Variants in TSC22D1 observed in about 807,000 individuals in gnomAD.
TSC22D1 encodes TSC22 domain family member 1, also known as TSC22 domain family protein 1.
Under a neutral mutation model 74.2 loss-of-function variants are expected in TSC22D1, and 9 were observed. That is an observed-to-expected ratio of 0.12 (90% CI 0.07 to 0.21). The LOEUF is 0.21. TSC22D1 is among the 10% of genes least tolerant of loss of function. The pLI is 1.00. For missense variants in TSC22D1, 1,427 were observed against 1,304.7 expected, an observed-to-expected ratio of 1.09 and a Z score of -1.44; for synonymous variants, 586 against 492.5, an observed-to-expected ratio of 1.19 and a Z score of -2.51.
At chr13:44,486,885 T>G (rs1195499494) in intron 1 of TSC22D1, among the ~76,000 whole-genome samples, 2 of 152,044 alleles carry the variant, frequency 1.3e-5, no homozygotes, top group Non-Finnish European at 2.9e-5. Flanking sequence ...TTAAGACACT[T>G]AGAATGAAAA....
At chr13:44,557,646 T>C (rs984415862) in intron 1 of TSC22D1, among the ~76,000 whole-genome samples, 7 of 152,232 alleles carry the variant, frequency 4.6e-5, no homozygotes, top group African/African-American at 9.6e-5. Context: ...TGAAGATAAG[T>C]TGTAACCACT....
In TSC22D1 at chr13:44,573,444, C is replaced by CA; in HGVS notation, c.2630dup (p.Leu877PhefsTer5). 1 of 1,614,230 alleles carries CA rather than the reference C, an allele frequency of 6.2e-7. No individual in the cohort carries two copies. Among genetic ancestry groups the CA allele is most frequent in the Non-Finnish European group, 8.5e-7 (1 of 1,180,048 alleles). On this transcript the variant is annotated frameshift_variant, in exon 1 of 3. Transcript: ENST00000458659. LOFTEE classifies it high-confidence loss of function. Reference sequence around the variant, plus strand: ...AAGGCAAATTTGTATTAGTTGCTATCAAGGGAGGTTGACTAACACTTTGAA... The same window carrying CA: ...AAGGCAAATTTGTATTAGTTGCTATCAAAGGGAGGTTGACTAACACTTTGAA...
intron 1 of TSC22D1, among the ~76,000 whole-genome samples, chr13:44,509,468 G>A (rs941624995): frequency 6.6e-5 from 10 of 152,120 alleles, no homozygotes; most frequent in Admixed American, 3.9e-4. Context: ...GTGAAACCCC[G>A]TCTCTATTAA....
chr13:44,485,074 A>G (rs1878364237), intron 1 of TSC22D1, among the ~76,000 whole-genome samples: 1 of 152,216 alleles, frequency 6.6e-6, no homozygotes, highest in Non-Finnish European at 1.5e-5. Context: ...ATTGGAGTCC[A>G]TCCTCTTTCT....
chr13:44,562,673 A>G (rs1883123350), intron 1 of TSC22D1, among the ~76,000 whole-genome samples: 1 of 152,204 alleles, frequency 6.6e-6, no homozygotes, highest in African/African-American at 2.4e-5. Context: ...GGAAGCTGGC[A>G]AACGTCTCTA....
intron 1 of TSC22D1, among the ~76,000 whole-genome samples, chr13:44,545,259 C>T (rs1054414463): frequency 4.6e-5 from 7 of 151,588 alleles, no homozygotes; most frequent in Non-Finnish European, 7.4e-5. Context: ...CGCTTGAACC[C>T]GGGAGGTGGA....
intron 1 of TSC22D1, among the ~76,000 whole-genome samples, chr13:44,466,399 T>C (rs1877286334): frequency 6.6e-6 from 1 of 152,182 alleles, no homozygotes; most frequent in Non-Finnish European, 1.5e-5. Flanking sequence ...TCCTATTATA[T>C]GGAGGTAGAT....
intron 1 of TSC22D1, among the ~76,000 whole-genome samples, chr13:44,525,407 G>A (rs1425107267): frequency 6.6e-6 from 1 of 152,032 alleles, no homozygotes; most frequent in African/African-American, 2.4e-5. Flanking sequence ...GCAACACAGT[G>A]AGCCCCCACC....
chr13:44,536,477 A>G (rs1881134462), intron 1 of TSC22D1, among the ~76,000 whole-genome samples: 1 of 151,916 alleles, frequency 6.6e-6, no homozygotes, highest in Non-Finnish European at 1.5e-5. Flanking sequence ...TGTCTTGATA[A>G]GATTTAAAAA....
At chr13:44,436,218 T>G (rs1444910394) in intron 1 of TSC22D1, 123 bp from the exon 2 acceptor site, 2 of 1,153,996 alleles carry the variant, frequency 1.7e-6, no homozygotes, top group Non-Finnish European at 2.5e-6. Context: ...TTTAACACTA[T>G]GTAATGTATC....
chr13:44,474,767 G>A (rs1411221620), intron 1 of TSC22D1, among the ~76,000 whole-genome samples: 2 of 151,974 alleles, frequency 1.3e-5, no homozygotes, highest in Non-Finnish European at 2.9e-5. Flanking sequence ...CGGGAGGAGA[G>A]TAAAAGGAGG....
At chr13:44,545,650 G>T (rs943149818) in intron 1 of TSC22D1, among the ~76,000 whole-genome samples, 1 of 150,766 alleles carries the variant, frequency 6.6e-6, no homozygotes, top group Non-Finnish European at 1.5e-5. Flanking sequence ...GTTGCGTTAC[G>T]TTCATAAGAG....
intron 1 of TSC22D1, among the ~76,000 whole-genome samples, chr13:44,474,487 T>A (rs1274008989): frequency 6.6e-6 from 1 of 152,204 alleles, no homozygotes; most frequent in Admixed American, 6.5e-5. Flanking sequence ...TTAAAAGGCA[T>A]GGGTGATTTT....
In TSC22D1 at chr13:44,503,434, G is replaced by C. The variant is rs73188791; in HGVS notation, c.2913-67339C>G. On this transcript the variant is annotated intron_variant, in intron 1 of 2. Coordinates refer to ENST00000458659, the MANE Select transcript of TSC22D1 (RefSeq NM_183422.4). ...TACACATTGAGACTAAAGTTGACAT[G>C]GCAGAAGTGAAAGGAAAAAAAAAAT... Among the ~76,000 whole-genome samples the C allele has an allele frequency of 8.9e-3, 1,356 of 152,172 alleles. 1 individual carries two copies. Among genetic ancestry groups the C allele is most frequent in the Non-Finnish European group, 0.014 (964 of 68,000 alleles).
At chr13:44,551,391 T>A (rs766557253) in intron 1 of TSC22D1, among the ~76,000 whole-genome samples, 2 of 51,470 alleles carry the variant, frequency 3.9e-5, no homozygotes, top group Admixed American at 1.7e-4. Flanking sequence ...ATCAGATGGG[T>A]GTGTGTGTGT....
chr13:44,490,316 G>A (rs1878639680), intron 1 of TSC22D1, among the ~76,000 whole-genome samples: 1 of 150,872 alleles, frequency 6.6e-6, no homozygotes, highest in South Asian at 2.1e-4. Flanking sequence ...GTATCGCTAG[G>A]GAGAAGAATA....
chr13:44,517,855 A>ATT (rs1262351609), intron 1 of TSC22D1, among the ~76,000 whole-genome samples: 11 of 23,540 alleles, frequency 4.7e-4, no homozygotes, highest in African/African-American at 9.9e-4. Context: ...ATATATATAT[A>ATT]TATTTTTTTT....
In TSC22D1 at chr13:44,537,598, G is replaced by GT. The variant is rs555015682; in HGVS notation, c.2912+35564dup. 1.6e-4 allele frequency: 154 copies of GT among 984,162 alleles called. No individual in the cohort carries two copies. The African/African-American group carries it at 1.7e-3, about 11-fold the overall frequency. 61.0% of individuals were successfully genotyped at this position (984,162 alleles called of 1,614,324 possible). The stretch of plus-strand genomic sequence containing the variant: ...GTTCTTCCTAAAACGATGGACAGTT[G>GT]TTTTTTTTAATTTATATGTGTTTGT... On this transcript the variant is annotated intron_variant, in intron 1 of 2. Transcript: ENST00000458659.
intron 1 of TSC22D1, among the ~76,000 whole-genome samples, chr13:44,517,825 G>GTATA (rs1312774694): frequency 5.2e-4 from 10 of 19,264 alleles, no homozygotes; most frequent in African/African-American, 1.3e-3. Context: ...GTGTGTGTGT[G>GTATA]TGTGTATATA....
Sources: allele counts gnomAD v4.1 joint callset (sites outside exome capture counted in the v4.1 genomes callset), GRCh38; gene constraint gnomAD v4.1.1; transcripts MANE v1.5; gene names NCBI Gene and HGNC (gene_info 2026-07-23, HGNC 2026-07-21).